Variants in ZNF521 observed in about 807,000 individuals in gnomAD.
ZNF521 encodes the protein LYST-interacting protein 3.
Under a neutral mutation model 105.5 loss-of-function variants are expected in ZNF521, and 14 were observed. That is an observed-to-expected ratio of 0.13 (90% CI 0.09 to 0.21). The LOEUF is 0.21. Ranked by LOEUF, ZNF521 falls within the 10% of genes least tolerant of loss-of-function variation. The pLI, the probability that ZNF521 is intolerant of heterozygous loss-of-function variation, is 1.00. For synonymous variants in ZNF521, 635 were observed against 606.0 expected (o/e 1.05, Z -0.70); for missense variants, 1,233 against 1,629.7 (o/e 0.76, Z 4.19).
At chr18:25,286,191 G>A (rs1910698662) in intron 3 of ZNF521, among the ~76,000 whole-genome samples, 1 of 152,180 alleles carries the variant, frequency 6.6e-6, no homozygotes, top group Admixed American at 6.5e-5. Context: ...ATACTGAAGA[G>A]CTCTGGCACT....
intron 3 of ZNF521, among the ~76,000 whole-genome samples, chr18:25,295,375 A>G (rs139770317): frequency 1.4e-4 from 21 of 152,306 alleles, no homozygotes; most frequent in African/African-American, 4.8e-4. Context: ...TTATGTTAGA[A>G]AGAATGCTTT....
intron 5 of ZNF521, among the ~76,000 whole-genome samples, chr18:25,111,070 CT>C (rs1453443498): frequency 6.6e-6 from 1 of 151,900 alleles, no homozygotes; most frequent in Non-Finnish European, 1.5e-5. Context: ...GCCTATTTTC[CT>C]TTTATTTAGC....
chr18:25,092,144 A>C, intron 5 of ZNF521, 63 bp from the exon 6 acceptor site: 1 of 1,587,408 alleles, frequency 6.3e-7, no homozygotes, highest in Non-Finnish European at 8.6e-7. Context: ...TACACTAGAG[A>C]GTTATCTTTA....
At chr18:25,266,012 A>G (rs1175489010) in intron 3 of ZNF521, among the ~76,000 whole-genome samples, 1 of 152,172 alleles carries the variant, frequency 6.6e-6, no homozygotes, top group Admixed American at 6.5e-5. Flanking sequence ...GAATACAGTG[A>G]GTAGGAGGAT....
chr18:25,141,389 A>G (rs1474754298), intron 5 of ZNF521, among the ~76,000 whole-genome samples: 1 of 152,204 alleles, frequency 6.6e-6, no homozygotes, highest in Non-Finnish European at 1.5e-5. Context: ...CACTACCCAC[A>G]TGCTTTGTAA....
chr18:25,285,029 G>C (rs1341197868), intron 3 of ZNF521, among the ~76,000 whole-genome samples: 1 of 149,336 alleles, frequency 6.7e-6, no homozygotes, highest in Admixed American at 6.6e-5. Flanking sequence ...TGTCTTTAAG[G>C]ACTTAGCTAA....
At chr18:25,298,446 C>A (rs1432167509) in intron 3 of ZNF521, among the ~76,000 whole-genome samples, 1 of 152,144 alleles carries the variant, frequency 6.6e-6, no homozygotes, top group African/African-American at 2.4e-5. Context: ...ATTGCCAAAG[C>A]AAATTTAAGT....
At chr18:25,063,333 C>G (rs1378299013) in intron 7 of ZNF521, among the ~76,000 whole-genome samples, 2 of 152,292 alleles carry the variant, frequency 1.3e-5, no homozygotes, top group South Asian at 2.1e-4. Flanking sequence ...AGCAGCCCCC[C>G]TCCTGAGGGT....
At chr18:25,314,022 C>T (rs1300660338) in intron 3 of ZNF521, among the ~76,000 whole-genome samples, 1 of 151,916 alleles carries the variant, frequency 6.6e-6, no homozygotes, top group African/African-American at 2.4e-5. Context: ...AAATTAATAA[C>T]ACTTAAATGA....
intron 3 of ZNF521, among the ~76,000 whole-genome samples, chr18:25,275,639 C>T (rs1909981158): frequency 6.6e-6 from 1 of 152,198 alleles, no homozygotes; most frequent in Admixed American, 6.5e-5. Context: ...TCAGGGATTG[C>T]TCCCTCCCTC....
At chr18:25,253,667 T>C (rs999987935) in intron 3 of ZNF521, among the ~76,000 whole-genome samples, 3 of 152,134 alleles carry the variant, frequency 2.0e-5, no homozygotes, top group Non-Finnish European at 2.9e-5. Context: ...TGATATACAA[T>C]GGAGCTGTCA....
chr18:25,113,515 C>A (rs1258604161), intron 5 of ZNF521, among the ~76,000 whole-genome samples: 1 of 151,960 alleles, frequency 6.6e-6, no homozygotes, highest in Non-Finnish European at 1.5e-5. Context: ...AATGTTGTAT[C>A]AGAATGCTTT....
At chr18:25,284,910 G>GCGCGCACACACA (rs1555658165) in intron 3 of ZNF521, among the ~76,000 whole-genome samples, 53 of 148,688 alleles carry the variant, frequency 3.6e-4, no homozygotes, top group African/African-American at 1.2e-3. Flanking sequence ...GTGCGCGCGC[G>GCGCGCACACACA]CACACACACA....
intron 1 of ZNF521, 188 bp from the exon 2 acceptor site, chr18:25,351,135 G>T: frequency 5.8e-6 from 1 of 172,528 alleles, no homozygotes; most frequent in Non-Finnish European, 1.1e-5. Flanking sequence ...GGCTGCCCGA[G>T]CTCCGCGCTC....
chr18:25,196,283 T>A (rs928343175), intron 4 of ZNF521, among the ~76,000 whole-genome samples: 2 of 151,692 alleles, frequency 1.3e-5, no homozygotes, highest in African/African-American at 4.8e-5. Flanking sequence ...CATTTTCTTA[T>A]AAGCGTTTTT....
At chr18:25,068,896 G>T (rs569784677) in intron 7 of ZNF521, among the ~76,000 whole-genome samples, 1 of 152,264 alleles carries the variant, frequency 6.6e-6, no homozygotes, top group East Asian at 1.9e-4. Context: ...TTACTCCTTG[G>T]ATATAATGTA....
intron 5 of ZNF521, among the ~76,000 whole-genome samples, chr18:25,095,740 G>A (rs1042020618): frequency 3.9e-5 from 6 of 152,142 alleles, no homozygotes; most frequent in African/African-American, 1.4e-4. Flanking sequence ...CTCTAGTTTT[G>A]CCCAATTAAA....
chr18:25,196,771 T>G (rs1262587399), intron 4 of ZNF521, among the ~76,000 whole-genome samples: 3 of 151,820 alleles, frequency 2.0e-5, no homozygotes, highest in African/African-American at 7.2e-5. Context: ...CATCTATCCC[T>G]TTTTTAACAC....
intron 7 of ZNF521, among the ~76,000 whole-genome samples, chr18:25,088,280 A>G (rs2144202029): frequency 6.7e-6 from 1 of 149,022 alleles, no homozygotes; most frequent in South Asian, 2.1e-4. Context: ...CAGTGGTGTG[A>G]TCTCGGCTCA....
Sources: allele counts gnomAD v4.1 joint callset (sites outside exome capture counted in the v4.1 genomes callset), GRCh38; gene constraint gnomAD v4.1.1; transcripts MANE v1.5; gene names NCBI Gene and HGNC (gene_info 2026-07-23, HGNC 2026-07-21).